The following NPAS3 variants were observed in gnomAD, a reference collection of about 807,000 sequenced individuals.
The protein encoded by NPAS3 is neuronal PAS domain protein 3.
Under a neutral mutation model 73.1 loss-of-function variants are expected in NPAS3, and 14 were observed. The ratio of observed to expected loss-of-function variants is 0.19; its 90% confidence interval spans 0.13 to 0.30. The LOEUF (loss-of-function observed/expected upper bound fraction) is 0.30. Ranked by LOEUF, NPAS3 falls within the 10% of genes least tolerant of loss-of-function variation. NPAS3 has a pLI of 1.00. For missense variants in NPAS3, 1,096 were observed against 1,250.0 expected (o/e 0.88, Z 1.86); for synonymous variants, 620 against 541.5 (o/e 1.14, Z -2.01).
intron 3 of NPAS3, among the ~76,000 whole-genome samples, chr14:33,264,351 A>G (rs930898200): frequency 1.1e-4 from 17 of 152,128 alleles, no homozygotes; most frequent in African/African-American, 3.4e-4. Context: ...CAGCACACCA[A>G]CATAGCACAT....
At chr14:33,682,434 TTAAC>T (rs1293557770) in intron 6 of NPAS3, among the ~76,000 whole-genome samples, 1 of 152,220 alleles carries the variant, frequency 6.6e-6, no homozygotes, top group African/African-American at 2.4e-5. Flanking sequence ...TCTGTGTTTC[TTAAC>T]TATGTCATCA....
At position 33,249,907 on chromosome 14, in the gene NPAS3, TAC is replaced by T. The variant is rs369565240; in HGVS notation, c.385+34510_385+34511del. The stretch of plus-strand genomic sequence containing the variant: ...AACGCGTTTGGAAGCAAATCTGTCA[TAC>T]ACACACACACACACACACACACACA... On this transcript the variant is annotated intron_variant, in intron 3 of 11. Transcript: ENST00000356141. Among the ~76,000 whole-genome samples, 904 of 146,626 alleles carry T rather than the reference TAC, an allele frequency of 6.2e-3. 2 individuals carry two copies. The highest frequency in any genetic ancestry group is 0.016 in the African/African-American group (624 of 39,864).
At chr14:33,628,503 CAG>C (rs1217620857) in intron 5 of NPAS3, among the ~76,000 whole-genome samples, 6 of 152,218 alleles carry the variant, frequency 3.9e-5, no homozygotes. Flanking sequence ...GTTTCTGCTG[CAG>C]AGTTTGAAAG....
chr14:33,154,839 T>C (rs889385636), intron 2 of NPAS3, among the ~76,000 whole-genome samples: 4 of 152,212 alleles, frequency 2.6e-5, no homozygotes, highest in Non-Finnish European at 5.9e-5. Context: ...ATGAAAACAA[T>C]TCTAGGACCT....
intron 3 of NPAS3, among the ~76,000 whole-genome samples, chr14:33,225,928 G>T (rs528238877): frequency 6.6e-6 from 1 of 152,148 alleles, no homozygotes; most frequent in East Asian, 1.9e-4. Context: ...TGAATGGCCA[G>T]AAATATGTTT....
At chr14:33,339,445 G>C (rs1273706730) in intron 3 of NPAS3, among the ~76,000 whole-genome samples, 2 of 152,010 alleles carry the variant, frequency 1.3e-5, no homozygotes, top group Admixed American at 6.5e-5. Context: ...ATGCTAAAAG[G>C]GTGTTCAAAA....
chr14:33,431,560 T>C (rs1273996712), intron 4 of NPAS3, among the ~76,000 whole-genome samples: 2 of 152,204 alleles, frequency 1.3e-5, no homozygotes. Flanking sequence ...AAATCCATCT[T>C]AGTGATTATG....
At chr14:33,105,658 T>C (rs2042701429) in intron 2 of NPAS3, among the ~76,000 whole-genome samples, 1 of 152,024 alleles carries the variant, frequency 6.6e-6, no homozygotes, top group Admixed American at 6.6e-5. Flanking sequence ...GACCAGGCAA[T>C]AGCTAATGTT....
intron 4 of NPAS3, among the ~76,000 whole-genome samples, chr14:33,466,412 C>A: frequency 6.6e-6 from 1 of 152,130 alleles, no homozygotes; most frequent in East Asian, 1.9e-4. Context: ...TGGAAGTAGC[C>A]ATCACCAGTT....
intron 3 of NPAS3, among the ~76,000 whole-genome samples, chr14:33,308,572 T>C (rs61972713): frequency 7.5e-4 from 35 of 46,492 alleles, no homozygotes; most frequent in Non-Finnish European, 1.1e-3. Flanking sequence ...ACATTATATA[T>C]ATGTATATCT....
chr14:33,673,599 T>C (rs2059672306), intron 5 of NPAS3, among the ~76,000 whole-genome samples: 1 of 152,242 alleles, frequency 6.6e-6, no homozygotes, highest in African/African-American at 2.4e-5. Context: ...AAGTGATTTC[T>C]TCTGCATAGT....
intron 1 of NPAS3, among the ~76,000 whole-genome samples, chr14:32,944,531 T>C (rs1362285602): frequency 1.3e-5 from 2 of 152,200 alleles, no homozygotes; most frequent in African/African-American, 4.8e-5. Flanking sequence ...CATTCGGTGA[T>C]GTTAGTATTT....
At chr14:33,150,733 G>T (rs2044415327) in intron 2 of NPAS3, among the ~76,000 whole-genome samples, 1 of 152,178 alleles carries the variant, frequency 6.6e-6, no homozygotes, top group African/African-American at 2.4e-5. Context: ...TAATCATGCT[G>T]TGAGTACAGC....
chr14:33,046,518 TAAG>T (rs1172519386), intron 1 of NPAS3, among the ~76,000 whole-genome samples: 3 of 152,082 alleles, frequency 2.0e-5, no homozygotes, highest in African/African-American at 7.2e-5. Context: ...GCACTGTGAA[TAAG>T]AAGTGACTTT....
chr14:33,713,583 AGCATGT>A lies in NPAS3; in HGVS notation c.734-21628_734-21623del, dbSNP rs1408827949. Among the ~76,000 whole-genome samples, 9 of 152,314 alleles carry A rather than the reference AGCATGT, an allele frequency of 5.9e-5. No homozygotes were observed. In the East Asian group the frequency reaches 1.7e-3, roughly 29 times the overall value. On this transcript the variant is annotated intron_variant, in intron 6 of 11. Transcript: ENST00000356141. ...CTCTGACATCCACATTCAGTCCACA[AGCATGT>A]GCTGTCAGCTGTTGCTTCGAGATAC...
rs979844339 is a variant in NPAS3, at chr14:33,286,473, G to A, written c.385+71047G>A. Among the ~76,000 whole-genome samples, 13 of 152,276 alleles carry A rather than the reference G, an allele frequency of 8.5e-5. No homozygotes were observed. In the East Asian group the frequency reaches 1.2e-3, roughly 14 times the overall value. On this transcript the variant is annotated intron_variant, in intron 3 of 11. Coordinates refer to ENST00000356141, the Ensembl canonical transcript of NPAS3. ...CAAACAGATAATGGCATTGTGCTGT[G>A]TTCATGCCCCCAAATGCTTTCTATT...
chr14:33,487,602 C>T (rs2051674465), intron 4 of NPAS3, among the ~76,000 whole-genome samples: 1 of 152,112 alleles, frequency 6.6e-6, no homozygotes, highest in South Asian at 2.1e-4. Context: ...CCAATGTATC[C>T]AGTTATTGAA....
intron 4 of NPAS3, among the ~76,000 whole-genome samples, chr14:33,501,337 T>C (rs567545002): frequency 6.6e-6 from 1 of 152,068 alleles, no homozygotes; most frequent in African/African-American, 2.4e-5. Flanking sequence ...TTGCATAATC[T>C]ATAAATAGTT....
intron 2 of NPAS3, among the ~76,000 whole-genome samples, chr14:33,082,988 C>G (rs1452744411): frequency 6.6e-6 from 1 of 151,936 alleles, no homozygotes; most frequent in Non-Finnish European, 1.5e-5. Flanking sequence ...CAAGACCAGC[C>G]TGGCCAACAT....
Sources: gnomAD v4.1 joint callset for allele counts (sites outside exome capture counted in the v4.1 genomes callset) on GRCh38, gnomAD v4.1.1 for gene constraint, MANE v1.5 for transcripts, NCBI Gene and HGNC (gene_info 2026-07-23, HGNC 2026-07-21) for gene names.